GPHN: variants seen among roughly 807,000 people sequenced by gnomAD.
GPHN encodes the protein gephyrin.
GPHN carries 17 observed loss-of-function variants against 95.5 expected under a neutral mutation model. The observed-to-expected ratio is 0.18, with a 90% CI of 0.12 to 0.27. The LOEUF is 0.27. GPHN is among the 10% of genes least tolerant of loss of function. The pLI, the probability that GPHN is intolerant of heterozygous loss-of-function variation, is 1.00. For synonymous variants in GPHN, 320 were observed against 322.5 expected, an observed-to-expected ratio of 0.99 and a Z score of 0.08; for missense variants, 660 against 978.1, an observed-to-expected ratio of 0.67 and a Z score of 4.34.
intron 2 of GPHN, among the ~76,000 whole-genome samples, chr14:66,719,600 C>T (rs1397736668): frequency 3.9e-5 from 6 of 152,134 alleles, no homozygotes; most frequent in Non-Finnish European, 8.8e-5. Flanking sequence ...ACCGTGTGAA[C>T]CTCCACACGC....
At chr14:67,571,907 A>T in the GPHN span, 1 of 1,603,880 alleles carries the variant, frequency 6.2e-7, no homozygotes, top group Non-Finnish European at 8.5e-7. Flanking sequence ...AGAGAGGTAC[A>T]GAGAAGGGGA....
chr14:67,620,038 A>T, the GPHN span: 1 of 1,612,256 alleles, frequency 6.2e-7, no homozygotes, highest in South Asian at 1.1e-5. Flanking sequence ...CATCCTGAAG[A>T]AATCCGTCCA....
At chr14:67,531,910 CAAAAAAA>C in the GPHN span, among the ~76,000 whole-genome samples, 20 of 79,574 alleles carry the variant, frequency 2.5e-4, no homozygotes, top group East Asian at 1.1e-3. Flanking sequence ...AACCTATGTC[CAAAAAAA>C]AAAAAAAAAA....
chr14:66,713,029 G>T (rs898459722), intron 2 of GPHN, among the ~76,000 whole-genome samples: 12 of 152,040 alleles, frequency 7.9e-5, no homozygotes, highest in Middle Eastern at 3.2e-3. Flanking sequence ...TTTTGAGTTT[G>T]TTGTATATTT....
At chr14:67,182,215 T>A (rs1174891199), downstream of GPHN, among the ~76,000 whole-genome samples, 1 of 152,228 alleles carries the variant, frequency 6.6e-6, no homozygotes, top group East Asian at 1.9e-4. Context: ...CCTCGAAATT[T>A]TTAACCGTGT....
chr14:67,531,588 C>T, the GPHN span, among the ~76,000 whole-genome samples: 2 of 151,850 alleles, frequency 1.3e-5, no homozygotes, highest in African/African-American at 2.4e-5. Flanking sequence ...CTCCATGGTG[C>T]GTCTCTTTTC....
chr14:67,361,200 G>T, the GPHN span, among the ~76,000 whole-genome samples: 1 of 152,060 alleles, frequency 6.6e-6, no homozygotes, highest in African/African-American at 2.4e-5. Flanking sequence ...TCAAAACTTA[G>T]GCTTTTTAAA....
At chr14:66,939,178 A>C (rs537138257) in intron 8 of GPHN, among the ~76,000 whole-genome samples, 148 of 152,304 alleles carry the variant, frequency 9.7e-4, no homozygotes, top group Middle Eastern at 3.4e-3. Flanking sequence ...AAAGTACACA[A>C]ATTAGACTGC....
chr14:66,802,126 A>G (rs2060377178), intron 3 of GPHN, among the ~76,000 whole-genome samples: 1 of 152,134 alleles, frequency 6.6e-6, no homozygotes, highest in African/African-American at 2.4e-5. Context: ...AAGTCCTTAG[A>G]TGTCCACCTA....
At chr14:67,273,302 G>A in the GPHN span, among the ~76,000 whole-genome samples, 1 of 148,978 alleles carries the variant, frequency 6.7e-6, no homozygotes, top group South Asian at 2.1e-4. Flanking sequence ...GCCCCGATGT[G>A]TGATGTTCCC....
chr14:66,566,218 T>G (rs896512048), intron 1 of GPHN, among the ~76,000 whole-genome samples: 1 of 152,090 alleles, frequency 6.6e-6, no homozygotes, highest in Non-Finnish European at 1.5e-5. Flanking sequence ...TTAAAGCATC[T>G]TTGATGTTTG....
chr14:67,593,718 T>C, the GPHN span: 1 of 1,467,280 alleles, frequency 6.8e-7, no homozygotes. Context: ...GAGAGGCCTG[T>C]AATACTTACC....
chr14:66,804,792 A>G (rs1181673453), intron 3 of GPHN, among the ~76,000 whole-genome samples: 1 of 152,174 alleles, frequency 6.6e-6, no homozygotes, highest in African/African-American at 2.4e-5. Context: ...CATTTTTATA[A>G]TTATGTGATG....
At chr14:67,439,365 C>T in the GPHN span, among the ~76,000 whole-genome samples, 1 of 152,098 alleles carries the variant, frequency 6.6e-6, no homozygotes, top group African/African-American at 2.4e-5. Context: ...TTCTTTAGTG[C>T]AGTAGACACT....
chr14:67,574,997 C>A, the GPHN span, among the ~76,000 whole-genome samples: 5 of 152,190 alleles, frequency 3.3e-5, no homozygotes, highest in Non-Finnish European at 5.9e-5. The surrounding 1 kb of genome is among the most constrained non-coding windows in gnomAD (Gnocchi z 4.2). Flanking sequence ...TCTCCTTCGC[C>A]CGTGTGCAGC....
intron 2 of GPHN, among the ~76,000 whole-genome samples, chr14:66,759,925 A>C: frequency 6.6e-6 from 1 of 152,214 alleles, no homozygotes; most frequent in Non-Finnish European, 1.5e-5. Context: ...GTATATTTTT[A>C]GAATAGATTT....
At chr14:66,826,259 A>G (rs1027312489) in intron 4 of GPHN, among the ~76,000 whole-genome samples, 1 of 152,166 alleles carries the variant, frequency 6.6e-6, no homozygotes, top group Non-Finnish European at 1.5e-5. Flanking sequence ...TGAAAATTCA[A>G]ACCTTTGAAT....
chr14:67,289,921 C>T, the GPHN span, among the ~76,000 whole-genome samples: 1 of 152,022 alleles, frequency 6.6e-6, no homozygotes, highest in African/African-American at 2.4e-5. Flanking sequence ...CAGGCACCCA[C>T]CACCACGCCC....
chr14:67,431,483 G>A, the GPHN span, among the ~76,000 whole-genome samples: 1 of 151,184 alleles, frequency 6.6e-6, no homozygotes, highest in Non-Finnish European at 1.5e-5. Flanking sequence ...GAGCCCAGGA[G>A]TTTGAGACCA....
Sources: allele counts gnomAD v4.1 joint callset (sites outside exome capture counted in the v4.1 genomes callset), GRCh38; gene constraint gnomAD v4.1.1; non-coding constraint Gnocchi (gnomAD v3.1); transcripts MANE v1.5; gene names NCBI Gene and HGNC (gene_info 2026-07-23, HGNC 2026-07-21).